Variants in UPP2 observed in about 807,000 individuals in gnomAD.
The protein encoded by UPP2 is UPase 2.
A neutral mutation model predicts 26.7 loss-of-function variants in UPP2; 23 were observed. The ratio of observed to expected loss-of-function variants is 0.86; its 90% CI spans 0.62 to 1.22. The LOEUF (loss-of-function observed/expected upper bound fraction) is 1.22, where lower values mean the gene tolerates loss of function less well. UPP2 is among the 50% of genes most tolerant of loss of function. UPP2 has a pLI of 0.00. For synonymous variants in UPP2, 127 were observed against 141.3 expected, an observed-to-expected ratio of 0.90 and a Z score of 0.72; for missense variants, 387 against 396.7, an observed-to-expected ratio of 0.98 and a Z score of 0.21.
chr2:158,014,817 A>G (rs1683634939), intron 2 of UPP2, among the ~76,000 whole-genome samples: 1 of 152,202 alleles, frequency 6.6e-6, no homozygotes, highest in Non-Finnish European at 1.5e-5. Flanking sequence ...TCAGTTTCCT[A>G]GGGAAATTTG....
At chr2:158,083,242 A>G (rs1203281545) in intron 3 of UPP2, among the ~76,000 whole-genome samples, 2 of 152,194 alleles carry the variant, frequency 1.3e-5, no homozygotes, top group Admixed American at 6.5e-5. Context: ...TTCTACTATA[A>G]AGACACATGC....
intron 2 of UPP2, among the ~76,000 whole-genome samples, chr2:158,012,128 G>A (rs566368599): frequency 7.0e-4 from 106 of 152,114 alleles, no homozygotes; most frequent in Non-Finnish European, 1.2e-3. Flanking sequence ...CTCTCTGCCC[G>A]CATAGACCAG....
At position 158,123,549 on chromosome 2, in the gene UPP2, T is replaced by C. The variant is rs185978751; in HGVS notation, c.665-200T>C. The stretch of plus-strand genomic sequence containing the variant: ...TCGGCCATGAAGGCTCCTTCCTACG[T>C]ATGAGACTCCTCAGCTAGGGACAGC... On this transcript the variant is annotated intron_variant, in intron 5 of 6. Transcript: ENST00000005756. Among the ~76,000 whole-genome samples the C allele has an allele frequency of 2.0e-5, 3 of 152,266 alleles. No individual in the cohort carries two copies. In the East Asian group the frequency reaches 5.8e-4, roughly 29 times the overall value.
Position 158,105,169 on chromosome 2 carries a change from G to T in UPP2, c.63-930G>T, listed in dbSNP as rs1245273968. Among the ~76,000 whole-genome samples the T allele has an allele frequency of 2.6e-5, 4 of 152,060 alleles. No homozygotes were observed. The South Asian group carries it at 6.2e-4, about 24-fold the overall frequency. The stretch of plus-strand genomic sequence containing the variant: ...AACTTTTATCACTAACAACTCTAGT[G>T]GCATATGATTACTATCCAAATAACC... On this transcript the variant is annotated intron_variant, in intron 1 of 6. Transcript: ENST00000005756.
At chr2:158,104,974 A>C (rs1463621315) in intron 1 of UPP2, among the ~76,000 whole-genome samples, 2 of 53,034 alleles carry the variant, frequency 3.8e-5, no homozygotes, top group South Asian at 1.3e-3. Context: ...AGGGAAGGGA[A>C]GGGAAGAGAA....
At chr2:158,031,814 A>G (rs753449393) in intron 3 of UPP2, among the ~76,000 whole-genome samples, 21 of 152,186 alleles carry the variant, frequency 1.4e-4, no homozygotes, top group Non-Finnish European at 2.4e-4. Flanking sequence ...TTTCTTCAAA[A>G]CTGGAATCCC....
intron 3 of UPP2, chr2:158,015,997 T>C (rs1296863354): frequency 2.1e-5 from 6 of 284,218 alleles, no homozygotes; most frequent in Non-Finnish European, 3.5e-5. Context: ...TGCTGGGTCA[T>C]ATGGTAATTC....
intron 3 of UPP2, among the ~76,000 whole-genome samples, chr2:158,019,395 G>A (rs1018317138): frequency 2.0e-4 from 30 of 152,074 alleles, no homozygotes; most frequent in Admixed American, 2.6e-4. Context: ...TAGTATAGGC[G>A]CAGAAGACCT....
chr2:158,079,859 ACTGTATT>A (rs1412433289), intron 3 of UPP2, among the ~76,000 whole-genome samples: 1 of 152,108 alleles, frequency 6.6e-6, no homozygotes, highest in African/African-American at 2.4e-5. Context: ...TGTAAAGCTA[ACTGTATT>A]CTGTGAAGTG....
upstream of UPP2, among the ~76,000 whole-genome samples, chr2:158,101,392 G>A (rs1328195175): frequency 6.6e-6 from 1 of 152,182 alleles, no homozygotes; most frequent in African/African-American, 2.4e-5. Context: ...AGAGGCCCTG[G>A]GAAATAAGTT....
chr2:158,090,049 C>T (rs528177973), intron 3 of UPP2, among the ~76,000 whole-genome samples: 61 of 152,030 alleles, frequency 4.0e-4, no homozygotes, highest in Admixed American at 3.9e-4. Flanking sequence ...TATTTGATAG[C>T]GTAACTGAGT....
chr2:158,003,688 A>G (rs1314139920), intron 2 of UPP2, among the ~76,000 whole-genome samples: 1 of 149,754 alleles, frequency 6.7e-6, no homozygotes, highest in Non-Finnish European at 1.5e-5. Context: ...AGCCTGGGCA[A>G]CAGAGTGAGA....
chr2:158,113,841 C>G (rs773376346), intron 2 of UPP2, among the ~76,000 whole-genome samples: 1 of 152,208 alleles, frequency 6.6e-6, no homozygotes, highest in African/African-American at 2.4e-5. Context: ...GGACTCAAAC[C>G]AGCTTCCTGT....
intron 3 of UPP2, among the ~76,000 whole-genome samples, chr2:158,079,248 A>G (rs753326552): frequency 6.6e-6 from 1 of 152,126 alleles, no homozygotes; most frequent in Non-Finnish European, 1.5e-5. Context: ...CACATACCCC[A>G]TAATATATAC....
intron 2 of UPP2, among the ~76,000 whole-genome samples, chr2:158,112,875 T>C (rs949483432): frequency 6.6e-6 from 1 of 152,214 alleles, no homozygotes; most frequent in African/African-American, 2.4e-5. Context: ...ATCCTTAACA[T>C]ATTTTTGTAA....
At chr2:158,125,420 C>CTT (rs11313905) in intron 6 of UPP2, among the ~76,000 whole-genome samples, 19 of 142,560 alleles carry the variant, frequency 1.3e-4, no homozygotes, top group African/African-American at 3.1e-4. Flanking sequence ...TTTTTGTACT[C>CTT]TTTTTTTTTT....
At chr2:158,097,937 G>A (rs530026893), upstream of UPP2, among the ~76,000 whole-genome samples, 14 of 151,926 alleles carry the variant, frequency 9.2e-5, no homozygotes, top group South Asian at 4.2e-4. Flanking sequence ...GCACACTCCC[G>A]TCTATCTGCT....
Position 158,081,305 on chromosome 2 carries a change from G to A in UPP2, c.148-20735G>A, listed in dbSNP as rs1424329263. 2.0e-5 allele frequency among the ~76,000 whole-genome samples: 3 copies of A among 152,072 alleles called. No homozygotes were observed. In the East Asian group the frequency reaches 5.8e-4, roughly 29 times the overall value. On this transcript the variant is annotated intron_variant, in intron 3 of 9. Coordinates refer to the UPP2 transcript ENST00000605860. ...GCTTGTGCCCTGGACCATATTTTTT[G>A]TATTGCACTATGTTCTTATTTTGCT... is the stretch of plus-strand genomic sequence containing the variant.
At chr2:158,087,941 G>A (rs1225536180) in intron 3 of UPP2, among the ~76,000 whole-genome samples, 2 of 152,092 alleles carry the variant, frequency 1.3e-5, no homozygotes, top group Non-Finnish European at 2.9e-5. Context: ...CTTGACTTTA[G>A]AAAACCTGAT....
Sources: allele counts gnomAD v4.1 joint callset (sites outside exome capture counted in the v4.1 genomes callset), GRCh38; gene constraint gnomAD v4.1.1; transcripts MANE v1.5; gene names NCBI Gene and HGNC (gene_info 2026-07-23, HGNC 2026-07-21).